Variants in KRIT1 observed in about 807,000 individuals in gnomAD.
KRIT1 encodes KRIT1 ankyrin repeat containing.
A neutral mutation model predicts 95.8 loss-of-function variants in KRIT1; 45 were observed. That is an observed-to-expected ratio of 0.47 (90% CI 0.37 to 0.60). The LOEUF (loss-of-function observed/expected upper bound fraction) is 0.60. Among genes scored for constraint, KRIT1 ranks in the 20% least tolerant of loss-of-function variants. The probability of loss-of-function intolerance (pLI) is 0.00; values close to 1 mark genes in which losing one functional copy is unlikely to be tolerated. For missense variants in KRIT1, 788 were observed against 877.5 expected, an observed-to-expected ratio of 0.90 and a Z score of 1.29; for synonymous variants, 282 against 278.8, an observed-to-expected ratio of 1.01 and a Z score of -0.11.
At chr7:92,245,405 A>C (rs543075219) in intron 1 of KRIT1, 2 of 151,624 alleles carry the variant, frequency 1.3e-5, no homozygotes, top group Non-Finnish European at 2.9e-5. Context: ...CTGTAACTAC[A>C]TGTGAAAAAT....
chr7:92,226,403 A>G (rs1227661631), intron 11 of KRIT1, 123 bp downstream of exon 11: 11 of 762,152 alleles, frequency 1.4e-5, no homozygotes, highest in Non-Finnish European at 2.5e-5. Context: ...CTTATTCTAT[A>G]AAGTAATGGA....
intron 17 of KRIT1, among the ~76,000 whole-genome samples, chr7:92,205,059 A>G (rs1168347901): frequency 6.6e-6 from 1 of 152,178 alleles, no homozygotes; most frequent in Non-Finnish European, 1.5e-5. Flanking sequence ...ATCAAGACAC[A>G]TAAAGGGGCG....
At chr7:92,209,150 T>TG (rs1414344194) in intron 17 of KRIT1, among the ~76,000 whole-genome samples, 1 of 151,048 alleles carries the variant, frequency 6.6e-6, no homozygotes, top group African/African-American at 2.4e-5. Flanking sequence ...CGTTTCGTGA[T>TG]GAAAAAAAAA....
chr7:92,221,858 A>G (rs1795217409), intron 14 of KRIT1, 44 bp downstream of exon 14: 2 of 1,562,764 alleles, frequency 1.3e-6, no homozygotes, highest in East Asian at 4.5e-5. Flanking sequence ...AACTCAACAG[A>G]TTTTGTGCAT....
chr7:92,223,285 A>G (rs1795526106), intron 12 of KRIT1, among the ~76,000 whole-genome samples: 1 of 149,962 alleles, frequency 6.7e-6, no homozygotes, highest in Non-Finnish European at 1.5e-5. Flanking sequence ...AAAAAAAAAA[A>G]AAAAAAAAAA....
intron 17 of KRIT1, among the ~76,000 whole-genome samples, chr7:92,212,745 T>C (rs984467040): frequency 2.0e-5 from 3 of 152,204 alleles, no homozygotes; most frequent in African/African-American, 7.2e-5. Flanking sequence ...CTGAACTAGA[T>C]AGGTATGTAA....
chr7:92,203,909 G>A (rs1373265919), intron 17 of KRIT1: 1 of 152,290 alleles, frequency 6.6e-6, no homozygotes, highest in African/African-American at 2.4e-5. Flanking sequence ...CTAATAAACA[G>A]CAGCCTATTT....
intron 10 of KRIT1, among the ~76,000 whole-genome samples, chr7:92,234,179 T>C (rs1424672401): frequency 2.0e-5 from 3 of 152,224 alleles, no homozygotes; most frequent in Admixed American, 6.5e-5. Flanking sequence ...AGTGACCTTG[T>C]ACTCTACAGT....
rs1259656941 is a variant in KRIT1, at chr7:92,225,696, TCTAA to T, written c.1254+20_1254+23del. The stretch of plus-strand genomic sequence containing the variant: ...TATTAATTTAAATACTATGCCTGGC[TCTAA>T]CTATGAAGATAATTCTTACTGGTTT... On this transcript the variant is annotated intron_variant, in intron 12 of 18. Transcript: ENST00000394505. 8.4e-7 allele frequency: 1 copy of T among 1,191,850 alleles called. No homozygotes were observed. The highest frequency in any genetic ancestry group is 2.3e-5 in the East Asian group (1 of 42,940). 73.8% of individuals were successfully genotyped at this position (1,191,850 alleles called of 1,614,324 possible).
chr7:92,214,436 G>A (rs1793523900), intron 15 of KRIT1, among the ~76,000 whole-genome samples, 175 bp downstream of exon 15: 1 of 152,036 alleles, frequency 6.6e-6, no homozygotes, highest in Admixed American at 6.6e-5. Flanking sequence ...AGTAAAATTG[G>A]AGAGTATAAC....
intron 14 of KRIT1, among the ~76,000 whole-genome samples, chr7:92,216,893 A>C (rs1794112190): frequency 6.6e-6 from 1 of 152,178 alleles, no homozygotes; most frequent in Non-Finnish European, 1.5e-5. Flanking sequence ...AGTTTTAGTC[A>C]CCATTTTTTC....
At chr7:92,242,789 CT>C (rs1227995275) in intron 3 of KRIT1, among the ~76,000 whole-genome samples, 1 of 152,100 alleles carries the variant, frequency 6.6e-6, no homozygotes, top group East Asian at 1.9e-4. Flanking sequence ...TTCCATTTCC[CT>C]TATCAATTTC....
chr7:92,201,785 T>C (rs1790225607), intron 17 of KRIT1, among the ~76,000 whole-genome samples: 1 of 150,358 alleles, frequency 6.7e-6, no homozygotes, highest in Admixed American at 6.7e-5. Context: ...GAACATGCGG[T>C]GTTTGGTTTT....
At position 92,236,198 on chromosome 7, in the gene KRIT1, T is replaced by C. The variant is rs566411757; in HGVS notation, c.485+215A>G. The stretch of plus-strand genomic sequence containing the variant: ...TCTTAAGCCAGGGCAGTGTTTACCA[T>C]TTCTGAAAAATAAAATTAACATGCT... On this transcript the variant is annotated intron_variant, in intron 7 of 18. Coordinates refer to ENST00000394505, the MANE Select transcript of KRIT1 (RefSeq NM_194454.3). 1.1e-4 allele frequency: 50 copies of C among 448,082 alleles called. No individual in the cohort carries two copies. In the South Asian group the frequency reaches 1.2e-3, roughly 11 times the overall value. The allele number at this position is 448,082 out of a possible 1,614,324, so 27.8% of individuals were successfully genotyped here.
chr7:92,219,009 T>A (rs138327995), intron 14 of KRIT1, among the ~76,000 whole-genome samples: 335 of 152,224 alleles, frequency 2.2e-3, no homozygotes, highest in Non-Finnish European at 3.7e-3. Context: ...TTTTTATTAT[T>A]ATAATATTTG....
chr7:92,208,746 T>C (rs1399541391), intron 17 of KRIT1, among the ~76,000 whole-genome samples: 3 of 152,084 alleles, frequency 2.0e-5, no homozygotes, highest in East Asian at 1.9e-4. Flanking sequence ...AAAAACCAGA[T>C]GACTTCACTG....
chr7:92,240,605 T>C (rs1799408556), intron 5 of KRIT1, among the ~76,000 whole-genome samples: 1 of 152,196 alleles, frequency 6.6e-6, no homozygotes, highest in South Asian at 2.1e-4. Flanking sequence ...TATGACCAAA[T>C]AGGAAGAAAA....
intron 10 of KRIT1, 65 bp downstream of exon 10, chr7:92,234,384 A>G: frequency 8.2e-7 from 1 of 1,224,456 alleles, no homozygotes; most frequent in Non-Finnish European, 1.2e-6. Context: ...CTTGAAAAGA[A>G]GGACTAACAT....
chr7:92,227,592 T>C (rs918601656), intron 10 of KRIT1, among the ~76,000 whole-genome samples: 1 of 152,060 alleles, frequency 6.6e-6, no homozygotes, highest in Non-Finnish European at 1.5e-5. Context: ...TGGAGTGCAG[T>C]GGTGCAATCT....
Sources: gnomAD v4.1 joint callset for allele counts (sites outside exome capture counted in the v4.1 genomes callset) on GRCh38, gnomAD v4.1.1 for gene constraint, MANE v1.5 for transcripts, NCBI Gene and HGNC (gene_info 2026-07-23, HGNC 2026-07-21) for gene names.